Variants in KAT6A observed in about 807,000 individuals in gnomAD.
KAT6A encodes lysine acetyltransferase 6A, also known as histone acetyltransferase KAT6A.
A neutral mutation model predicts 198.4 loss-of-function variants in KAT6A; 9 were observed. That is an observed-to-expected ratio of 0.05 (90% CI 0.03 to 0.08). The LOEUF is 0.08. Ranked by LOEUF, KAT6A falls within the 10% of genes least tolerant of loss-of-function variation. KAT6A has a pLI of 1.00. For missense variants in KAT6A, 2,077 were observed against 2,509.9 expected (o/e 0.83, Z 3.69); for synonymous variants, 890 against 883.0 (o/e 1.01, Z -0.14).
Position 41,978,686 on chromosome 8 carries a change from A to G in KAT6A, c.999T>C (p.Asn333=), listed in dbSNP as rs1824193182. Residue 333 remains asparagine, a synonymous_variant, in exon 6 of 17, where the codon AAT becomes AAC. Transcript: ENST00000265713. ...KAAQIKRRYT[N]PIGRPKNRLK... is the part of the protein sequence containing the mutation. Reference sequence around the variant, plus strand: ...ACCTGTTTTTTGGACGTCCTATTGGATTAGTATAGCGCCGTTTTATCTGTG... The same window carrying G: ...ACCTGTTTTTTGGACGTCCTATTGGGTTAGTATAGCGCCGTTTTATCTGTG... 6.2e-7 allele frequency: 1 copy of G among 1,613,986 alleles called. No homozygotes were observed. The highest frequency in any genetic ancestry group is 1.3e-5 in the African/African-American group (1 of 74,982).
At chr8:41,938,019 A>G (rs1821935755) in intron 15 of KAT6A, among the ~76,000 whole-genome samples, 1 of 152,236 alleles carries the variant, frequency 6.6e-6, no homozygotes, top group South Asian at 2.1e-4. Context: ...CTACTCATAA[A>G]AAGCTGTGGA....
At chr8:41,974,865 T>G in intron 7 of KAT6A, 43 bp from the exon 8 acceptor site, 1 of 1,250,842 alleles carries the variant, frequency 8.0e-7, no homozygotes, top group Non-Finnish European at 1.1e-6. Context: ...GTCCCCAGAT[T>G]AATACATGAA....
At chr8:41,949,762 A>G (rs1416492713) in intron 9 of KAT6A, among the ~76,000 whole-genome samples, 1 of 152,210 alleles carries the variant, frequency 6.6e-6, no homozygotes, top group Non-Finnish European at 1.5e-5. Context: ...GAGAACATCT[A>G]AAATTCTACT....
At chr8:42,044,660 A>C (rs1827823720) in intron 2 of KAT6A, among the ~76,000 whole-genome samples, 1 of 152,208 alleles carries the variant, frequency 6.6e-6, no homozygotes, top group Non-Finnish European at 1.5e-5. Context: ...GGGTTACTCC[A>C]CGCAGTCTTT....
intron 2 of KAT6A, among the ~76,000 whole-genome samples, chr8:42,013,179 G>A (rs1156266642): frequency 2.7e-5 from 4 of 150,808 alleles, no homozygotes; most frequent in Non-Finnish European, 4.4e-5. Flanking sequence ...ACACAGAAAA[G>A]AATGCATTAT....
In KAT6A at chr8:41,977,307, T is replaced by C; in HGVS notation, c.1064A>G (p.Lys355Arg). ...ACCCCTTCCAGGGCCAGTTCGAACT[T>C]TGCTGAAGGGACCTTTTGATCTAAA... The part of the protein sequence containing the change: ...QNTVSKGPFS[K>R]VRTGPGRGRK... Residue 355 changes from lysine (K) to arginine (R), a missense_variant, in exon 7 of 17, where the codon AAA (lysine) becomes AGA (arginine). Coordinates refer to ENST00000265713, the MANE Select transcript of KAT6A (RefSeq NM_006766.5). 1 of 1,613,350 alleles carries C rather than the reference T, an allele frequency of 6.2e-7. No homozygotes were observed. Among genetic ancestry groups the C allele is most frequent in the Non-Finnish European group, 8.5e-7 (1 of 1,179,442 alleles).
At chr8:41,949,685 G>T (rs1324200910) in intron 9 of KAT6A, among the ~76,000 whole-genome samples, 1 of 152,172 alleles carries the variant, frequency 6.6e-6, no homozygotes, top group Non-Finnish European at 1.5e-5. Flanking sequence ...TGTTTGATTT[G>T]TGTGAAGACC....
chr8:41,986,432 T>A (rs1326814163), intron 3 of KAT6A, among the ~76,000 whole-genome samples: 6 of 152,154 alleles, frequency 3.9e-5, no homozygotes, highest in Admixed American at 3.9e-4. Flanking sequence ...GTTCTATTCA[T>A]CAAGCCTGAG....
chr8:42,011,600 T>A (rs1382473935), intron 2 of KAT6A, among the ~76,000 whole-genome samples: 1 of 151,536 alleles, frequency 6.6e-6, no homozygotes. Context: ...ATCAGCTGGG[T>A]GTGGTGATGC....
At chr8:41,947,711 T>C in intron 11 of KAT6A, 40 bp downstream of exon 11, 1 of 1,526,060 alleles carries the variant, frequency 6.6e-7, no homozygotes, top group Non-Finnish European at 8.9e-7. Context: ...CTTTCAGATT[T>C]CTATATGAGT....
At chr8:41,943,279 T>C (rs973538377) in intron 13 of KAT6A, among the ~76,000 whole-genome samples, 2 of 152,224 alleles carry the variant, frequency 1.3e-5, no homozygotes, top group South Asian at 2.1e-4. Flanking sequence ...GCACTCTCTT[T>C]CCTATTCTCC....
At chr8:42,021,586 A>G (rs751463836) in intron 2 of KAT6A, among the ~76,000 whole-genome samples, 13 of 152,106 alleles carry the variant, frequency 8.5e-5, no homozygotes, top group Non-Finnish European at 1.8e-4. Flanking sequence ...TGCTCTTAAT[A>G]CTCTTAACTC....
At chr8:41,975,606 C>G (rs1824012738) in intron 7 of KAT6A, among the ~76,000 whole-genome samples, 1 of 152,070 alleles carries the variant, frequency 6.6e-6, no homozygotes, top group Non-Finnish European at 1.5e-5. Context: ...ACAACATTCT[C>G]AAACTGGAAG....
chr8:42,037,409 A>G (rs1827434642), intron 2 of KAT6A, among the ~76,000 whole-genome samples: 2 of 152,218 alleles, frequency 1.3e-5, no homozygotes, highest in South Asian at 4.1e-4. Flanking sequence ...AAAAATAGTA[A>G]TAATGTTTCT....
At position 41,977,043 on chromosome 8, in the gene KAT6A, C is replaced by A. The variant is rs758650204; in HGVS notation, c.1328G>T (p.Gly443Val). The A allele has an allele frequency of 1.2e-6, 2 of 1,611,332 alleles. No individual in the cohort carries two copies. The highest frequency in any genetic ancestry group is 1.7e-5 in the Admixed American group (1 of 59,784). The part of the protein sequence containing the change: ...YSEQYRIRKR[G>V]NRKSSTSDWP... ...ATCTGAAGTGCTTGATTTCCTGTTG[C>A]CCCTCTTTCTGATTCGATATTGCTC... The change falls in exon 7 of 17, where the codon GGC (glycine) becomes GTC (valine). Residue 443 changes from glycine (G) to valine (V), a missense_variant. Around this residue, in one of 13 missense-constraint regions of KAT6A, gnomAD observed 206 missense variants for 214.9 expected, o/e 0.96. Transcript: ENST00000265713.
intron 2 of KAT6A, among the ~76,000 whole-genome samples, chr8:42,040,166 A>T (rs375260498): frequency 1.3e-4 from 19 of 144,862 alleles, no homozygotes; most frequent in African/African-American, 4.8e-4. Flanking sequence ...TAAAACACTT[A>T]AAAAAAAAAG....
At chr8:41,955,182 C>G (rs1353529586) in intron 9 of KAT6A, 114 bp downstream of exon 9, 31 of 691,518 alleles carry the variant, frequency 4.5e-5, no homozygotes, top group Non-Finnish European at 7.8e-5. Flanking sequence ...TTTAAAAGCC[C>G]CCAGTTTCCT....
chr8:42,003,749 C>T (rs1825609886), intron 2 of KAT6A, among the ~76,000 whole-genome samples: 1 of 152,076 alleles, frequency 6.6e-6, no homozygotes, highest in Admixed American at 6.6e-5. Context: ...AGGCCTTTAA[C>T]AGAGGTAATT....
chr8:42,008,730 T>G (rs1477306379), intron 2 of KAT6A, among the ~76,000 whole-genome samples: 2 of 152,116 alleles, frequency 1.3e-5, no homozygotes, highest in Non-Finnish European at 2.9e-5. Flanking sequence ...TCTATATCTC[T>G]GTTGTCCAAT....
Sources: gnomAD v4.1 joint callset for allele counts (sites outside exome capture counted in the v4.1 genomes callset) on GRCh38, gnomAD v4.1.1 for gene constraint, gnomAD v4.1.1 regional missense constraint, MANE v1.5 for transcripts, NCBI Gene and HGNC (gene_info 2026-07-23, HGNC 2026-07-21) for gene names.